Variants in XCR1 observed in about 807,000 individuals in gnomAD.
XCR1 encodes the protein chemokine XC receptor 1.
For synonymous variants in XCR1, 187 were observed against 188.5 expected, an observed-to-expected ratio of 0.99 and a Z score of 0.06; for missense variants, 356 against 424.2, an observed-to-expected ratio of 0.84 and a Z score of 1.41.
At chr3:46,069,808 C>T (rs1698136316) in intron 3 of XCR1, among the ~76,000 whole-genome samples, 1 of 151,374 alleles carries the variant, frequency 6.6e-6, no homozygotes, top group Non-Finnish European at 1.5e-5. Context: ...TTTAGTTCTG[C>T]TCTCATCTTT....
At chr3:46,048,984 C>T (rs546513717) in intron 5 of XCR1, among the ~76,000 whole-genome samples, 161 of 152,252 alleles carry the variant, frequency 1.1e-3, no homozygotes, top group Middle Eastern at 3.4e-3. Context: ...TTTTTAAAAG[C>T]GTGACTAGTA....
At chr3:46,084,643 T>A (rs760091127) in intron 1 of XCR1, among the ~76,000 whole-genome samples, 9 of 152,198 alleles carry the variant, frequency 5.9e-5, no homozygotes, top group Non-Finnish European at 1.2e-4. Context: ...AAAAATCCAC[T>A]TGTACAGATG....
intron 1 of XCR1, among the ~76,000 whole-genome samples, chr3:46,084,734 C>G (rs1423517641): frequency 6.6e-6 from 1 of 152,146 alleles, no homozygotes; most frequent in Non-Finnish European, 1.5e-5. Context: ...TAAGCAAGAG[C>G]TAAACACTGG....
chr3:46,049,727 C>T (rs181136479), intron 5 of XCR1, among the ~76,000 whole-genome samples: 3 of 152,116 alleles, frequency 2.0e-5, no homozygotes, highest in East Asian at 3.9e-4. Flanking sequence ...TTGGAAGAAC[C>T]ATCAGTAAAA....
intron 4 of XCR1, among the ~76,000 whole-genome samples, chr3:46,066,200 T>TCCTCCCTC (rs113824413): frequency 7.1e-5 from 10 of 140,514 alleles, no homozygotes; most frequent in East Asian, 1.9e-4. Flanking sequence ...CTTCCTTCCT[T>TCCTCCCTC]CCTCCCTCCC....
At chr3:46,065,118 GA>G (rs986081383) in intron 4 of XCR1, among the ~76,000 whole-genome samples, 5 of 150,696 alleles carry the variant, frequency 3.3e-5, no homozygotes, top group Admixed American at 6.6e-5. Context: ...AAAAAAAAAG[GA>G]AAAAAAAATA....
At chr3:46,040,299 T>A (rs2125897509) in intron 5 of XCR1, among the ~76,000 whole-genome samples, 1 of 152,326 alleles carries the variant, frequency 6.6e-6, no homozygotes, top group Middle Eastern at 3.4e-3. Flanking sequence ...TATTTTGTTA[T>A]ATTAAGTGTT....
intron 5 of XCR1, among the ~76,000 whole-genome samples, chr3:46,051,162 A>G (rs1229883162): frequency 6.6e-6 from 1 of 152,180 alleles, no homozygotes; most frequent in Admixed American, 6.5e-5. Flanking sequence ...CTGTTTTTCC[A>G]GTTACTGATA....
chr3:46,059,884 A>G (rs1697929264), intron 4 of XCR1, among the ~76,000 whole-genome samples: 1 of 152,238 alleles, frequency 6.6e-6, no homozygotes, highest in African/African-American at 2.4e-5. Flanking sequence ...TTCTATTAAC[A>G]TGATACAACT....
Position 46,021,186 on chromosome 3 carries a change from C to A in XCR1, c.762G>T (p.Gln254His), listed in dbSNP as rs200700108. 188 of 1,614,258 alleles carry A rather than the reference C, an allele frequency of 1.2e-4. No homozygotes were observed. Among genetic ancestry groups the A allele is most frequent in the Non-Finnish European group, 1.8e-5 (21 of 1,180,048 alleles). The change falls in exon 2 of 2, where the codon CAG becomes CAT. Residue 254 changes from glutamine to histidine, a missense_variant. Coordinates refer to ENST00000309285, the MANE Select transcript of XCR1 (RefSeq NM_001024644.2). The surrounding 1 kb of genome is among the most constrained non-coding windows in gnomAD (Gnocchi z 4.7). The stretch of plus-strand genomic sequence containing the variant: ...GTTTGGCCTCGCAGCTCCGGATGAT[C>A]TGGGTCCGAAACAGCGTCTGCAGAA... The part of the protein sequence containing the change: ...TLFLQTLFRT[Q>H]IIRSCEAKQQ...
At chr3:46,080,397 T>C (rs1253380873) in intron 1 of XCR1, among the ~76,000 whole-genome samples, 7 of 152,108 alleles carry the variant, frequency 4.6e-5, no homozygotes, top group African/African-American at 1.7e-4. Context: ...TACAGACTTA[T>C]TACCCATTTA....
At chr3:46,064,249 A>T (rs559264052) in intron 4 of XCR1, among the ~76,000 whole-genome samples, 1 of 152,292 alleles carries the variant, frequency 6.6e-6, no homozygotes, top group Admixed American at 6.5e-5. Context: ...GCACTGCGTA[A>T]TTATTTGTTA....
rs1294761793 is a variant in XCR1, at chr3:46,019,217, ATAT to A, written c.*1726_*1728del. On this transcript the variant is annotated 3_prime_UTR_variant, in exon 2 of 2. Transcript: ENST00000309285. Reference sequence around the variant, plus strand: ...AGTGTAGACTAGGAAAGAAAGGTTAATATTTATAGAGAAGCAGCCTGGGACAAA... The same window carrying A: ...AGTGTAGACTAGGAAAGAAAGGTTAATTATAGAGAAGCAGCCTGGGACAAA... 2.6e-5 allele frequency: 4 copies of A among 152,122 alleles called. No individual in the cohort carries two copies. Among genetic ancestry groups the A allele is most frequent in the Non-Finnish European group, 5.9e-5 (4 of 68,008 alleles). 9.4% of individuals were successfully genotyped at this position (152,122 alleles called of 1,614,324 possible). A position where few individuals can be genotyped will look rare whatever the true frequency, so the allele number is the denominator to read the frequency against.
intron 4 of XCR1, among the ~76,000 whole-genome samples, chr3:46,063,830 T>C (rs1246720836): frequency 6.6e-6 from 1 of 152,218 alleles, no homozygotes; most frequent in Non-Finnish European, 1.5e-5. Context: ...TTTGGCACAC[T>C]GTTGTTTATC....
chr3:46,083,651 T>C (rs1698418259), intron 1 of XCR1, among the ~76,000 whole-genome samples: 1 of 152,220 alleles, frequency 6.6e-6, no homozygotes, highest in Non-Finnish European at 1.5e-5. Context: ...CTGATGAAAC[T>C]GCTGTCTCCA....
At chr3:46,054,218 A>G (rs1018271055) in intron 4 of XCR1, among the ~76,000 whole-genome samples, 1 of 152,122 alleles carries the variant, frequency 6.6e-6, no homozygotes, top group African/African-American at 2.4e-5. Flanking sequence ...AGAGATAGCG[A>G]GAAGGTGGGT....
intron 2 of XCR1, among the ~76,000 whole-genome samples, chr3:46,075,341 C>CA (rs1698240672): frequency 9.2e-6 from 1 of 108,594 alleles, no homozygotes. Context: ...CAACAAAAAT[C>CA]AAAACCAAGA....
At chr3:46,069,474 G>A (rs1003895720) in intron 3 of XCR1, among the ~76,000 whole-genome samples, 5 of 152,008 alleles carry the variant, frequency 3.3e-5, no homozygotes, top group South Asian at 2.1e-4. Context: ...ACCCTTGTAC[G>A]GGGGGGTTAG....
At chr3:46,066,544 C>T (rs145462705) in intron 4 of XCR1, among the ~76,000 whole-genome samples, 1 of 152,184 alleles carries the variant, frequency 6.6e-6, no homozygotes, top group Non-Finnish European at 1.5e-5. Flanking sequence ...CGCCCAGCCA[C>T]AGCCATCATT....
Sources: allele counts gnomAD v4.1 joint callset (sites outside exome capture counted in the v4.1 genomes callset), GRCh38; gene constraint gnomAD v4.1.1; non-coding constraint Gnocchi (gnomAD v3.1); transcripts MANE v1.5; gene names NCBI Gene and HGNC (gene_info 2026-07-23, HGNC 2026-07-21).